The following LIG1 variants were observed in gnomAD, a reference collection of about 807,000 sequenced individuals.
The protein encoded by LIG1 is DNA ligase 1, also known as ligase I, DNA, ATP-dependent.
In LIG1, 70 loss-of-function variants were observed where a neutral mutation model predicts 115.7. That is an observed-to-expected ratio of 0.60 (90% confidence interval 0.50 to 0.74). The LOEUF (loss-of-function observed/expected upper bound fraction) is 0.74, where lower values mean the gene tolerates loss of function less well. LIG1 is among the 30% of genes least tolerant of loss of function. The pLI is 0.00. For missense variants in LIG1, 1,115 were observed against 1,225.6 expected, an observed-to-expected ratio of 0.91 and a Z score of 1.35; for synonymous variants, 487 against 495.3, an observed-to-expected ratio of 0.98 and a Z score of 0.22.
chr19:48,128,980 G>T (rs978467233), intron 19 of LIG1, among the ~76,000 whole-genome samples: 3 of 151,994 alleles, frequency 2.0e-5, no homozygotes, highest in East Asian at 3.9e-4. Context: ...GGCTGGTCTC[G>T]AACTCCTGAC....
At chr19:48,162,373 TA>T (rs774526849) in intron 2 of LIG1, 22 bp from the exon 3 acceptor site, 4 of 1,563,294 alleles carry the variant, frequency 2.6e-6, no homozygotes, top group Non-Finnish European at 2.6e-6. Flanking sequence ...TAAAAGGGGG[TA>T]AAAAAAGGAG....
intron 9 of LIG1, among the ~76,000 whole-genome samples, chr19:48,146,731 T>C (rs955088711): frequency 6.6e-6 from 1 of 152,178 alleles, no homozygotes; most frequent in Admixed American, 6.5e-5. Context: ...AACAGAACTT[T>C]ATATACAGTA....
chr19:48,128,033 G>A lies in LIG1; in HGVS notation c.1822-13C>T. The stretch of plus-strand genomic sequence containing the variant: ...ATGGGAGTTTAATCTGAAAAGTGAA[G>A]GGAGAGACCCAGGGCCTGAGAGAGG... On this transcript the variant is annotated splice_polypyrimidine_tract_variant and intron_variant, in intron 19 of 27. Transcript: ENST00000263274. The A allele has an allele frequency of 6.2e-7, 1 of 1,603,414 alleles. No homozygotes were observed. The highest frequency in any genetic ancestry group is 1.7e-4 in the Middle Eastern group (1 of 6,036).
At chr19:48,167,993 GA>G (rs1370743140) in intron 1 of LIG1, among the ~76,000 whole-genome samples, 1 of 152,088 alleles carries the variant, frequency 6.6e-6, no homozygotes, top group African/African-American at 2.4e-5. Context: ...GGGCAAAGGA[GA>G]AAACTATTAC....
rs2033770960 is a variant in LIG1, at chr19:48,127,854, G to A, written c.1932+56C>T. The A allele has an allele frequency of 5.0e-6, 7 of 1,406,214 alleles. No individual in the cohort carries two copies. In the East Asian group the frequency reaches 1.4e-4, roughly 27 times the overall value. The allele number at this position is 1,406,214 out of a possible 1,614,324, so 87.1% of individuals were successfully genotyped here. On this transcript the variant is annotated intron_variant, in intron 20 of 27. Coordinates refer to ENST00000263274, the MANE Select transcript of LIG1 (RefSeq NM_000234.3). The stretch of plus-strand genomic sequence containing the variant: ...CTGGGCAGGACCCACAGCCAGGACT[G>A]GGTGGAAGATGAGGAAGTACGGGGC...
At chr19:48,116,731 C>G (rs1396222335) in intron 26 of LIG1, among the ~76,000 whole-genome samples, 1 of 152,236 alleles carries the variant, frequency 6.6e-6, no homozygotes, top group African/African-American at 2.4e-5. Flanking sequence ...GATGACCACA[C>G]AGTGCCCACT....
intron 27 of LIG1, 50 bp from the exon 28 acceptor site, chr19:48,115,782 C>T: frequency 1.3e-6 from 2 of 1,584,606 alleles, no homozygotes; most frequent in South Asian, 1.1e-5. Flanking sequence ...TGGCTGCTCC[C>T]ACCTCCACAA....
intron 1 of LIG1, 74 bp downstream of exon 1, chr19:48,170,167 G>A (rs1285895764): frequency 1.8e-5 from 8 of 453,982 alleles, no homozygotes; most frequent in Non-Finnish European, 3.5e-5. Flanking sequence ...CCGACATGGC[G>A]AAGCATAGGC....
At chr19:48,146,099 A>G (rs975349369) in intron 9 of LIG1, 4 of 152,270 alleles carry the variant, frequency 2.6e-5, no homozygotes, top group Non-Finnish European at 5.9e-5. Context: ...TCCTCTCATC[A>G]CTGTGCCCCC....
At chr19:48,143,841 C>A in intron 10 of LIG1, 42 bp downstream of exon 10, 1 of 1,523,434 alleles carries the variant, frequency 6.6e-7, no homozygotes, top group Non-Finnish European at 9.1e-7. Flanking sequence ...CCGGTGGCAA[C>A]AGGGACCGGA....
intron 6 of LIG1, 34 bp from the exon 7 acceptor site, chr19:48,151,373 A>T: frequency 1.5e-6 from 2 of 1,326,370 alleles, no homozygotes; most frequent in South Asian, 2.3e-5. Flanking sequence ...ATGGCAAAAA[A>T]ATCCCATTGA....
intron 5 of LIG1, 71 bp downstream of exon 5, chr19:48,156,938 CAAAAA>C (rs370802542): frequency 1.5e-3 from 928 of 608,990 alleles, no homozygotes; most frequent in Middle Eastern, 3.7e-3. Flanking sequence ...GACTATGTCT[CAAAAA>C]AAAAAAAAAA....
chr19:48,148,343 G>A (rs1733889531), intron 9 of LIG1, among the ~76,000 whole-genome samples: 1 of 152,054 alleles, frequency 6.6e-6, no homozygotes, highest in Non-Finnish European at 1.5e-5. Flanking sequence ...GCTTGGTGGC[G>A]AGGCACCTGT....
chr19:48,131,017 G>A, intron 19 of LIG1, 59 bp downstream of exon 19: 1 of 1,399,352 alleles, frequency 7.1e-7, no homozygotes, highest in South Asian at 1.2e-5. Flanking sequence ...ATGGGCCTCA[G>A]GCCTTTGCAC....
At chr19:48,161,826 C>CTTTTT (rs34448490) in intron 3 of LIG1, among the ~76,000 whole-genome samples, 1 of 123,476 alleles carries the variant, frequency 8.1e-6, no homozygotes, top group Admixed American at 8.3e-5. Context: ...ATTGGGATGC[C>CTTTTT]TTTTTTTTTT....
chr19:48,161,628 C>T, intron 3 of LIG1, 121 bp from the exon 4 acceptor site: 1 of 1,214,584 alleles, frequency 8.2e-7, no homozygotes, highest in Non-Finnish European at 1.2e-6. Context: ...ATCCAATGAA[C>T]ATTTTCTGGT....
Position 48,150,195 on chromosome 19 carries a change from G to T in LIG1, c.590C>A (p.Thr197Lys). The change falls in exon 8 of 28, where the codon ACG becomes AAG. Residue 197 changes from threonine to lysine, a missense_variant. Physicochemically the swap from Thr to Lys is moderately conservative, Grantham distance 78 (BLOSUM62 -1). Coordinates refer to ENST00000263274, the MANE Select transcript of LIG1 (RefSeq NM_000234.3). The stretch of plus-strand genomic sequence containing the variant: ...CACCTCAGGCTCTGAAACGCTTTCC[G>T]TCGGGGTCTCTGCTTCTGCGGTGAG... ...PLKTSKAETP[T>K]ESVSEPEVAT... 2 of 1,614,144 alleles carry T rather than the reference G, an allele frequency of 1.2e-6. No individual in the cohort carries two copies. The highest frequency in any genetic ancestry group is 1.7e-6 in the Non-Finnish European group (2 of 1,180,038).
Position 48,141,026 on chromosome 19 carries a change from G to C in LIG1, c.915-883C>G, listed in dbSNP as rs537818657. On this transcript the variant is annotated intron_variant, in intron 11 of 27. Coordinates refer to ENST00000263274, the MANE Select transcript of LIG1 (RefSeq NM_000234.3). ...AAGGTGAACCCACCGGACGGTTACA[G>C]TGGGGGAGTAACTTGGTGTGACGGT... 3.3e-5 allele frequency among the ~76,000 whole-genome samples: 5 copies of C among 152,370 alleles called. No individual in the cohort carries two copies. The East Asian group carries it at 7.7e-4, about 23-fold the overall frequency.
intron 5 of LIG1, 45 bp from the exon 6 acceptor site, chr19:48,154,012 G>A (rs745835275): frequency 3.9e-6 from 6 of 1,528,324 alleles, no homozygotes; most frequent in South Asian, 2.2e-5. Context: ...GCTGGCTCGT[G>A]TGCTCCCATC....
Sources: allele counts gnomAD v4.1 joint callset (sites outside exome capture counted in the v4.1 genomes callset), GRCh38; gene constraint gnomAD v4.1.1; transcripts MANE v1.5; gene names NCBI Gene and HGNC (gene_info 2026-07-23, HGNC 2026-07-21).